LYSMD4: variants seen among roughly 807,000 people sequenced by gnomAD.
LYSMD4 encodes the protein LysM domain containing 4, also known as lysM and putative peptidoglycan-binding domain-containing protein 4.
In LYSMD4, 9 loss-of-function variants were observed where a neutral mutation model predicts 6.1. That is an observed-to-expected ratio of 1.47 (90% CI 0.88 to 2.56). The LOEUF (loss-of-function observed/expected upper bound fraction) is 2.56, where lower values mean the gene tolerates loss of function less well. Among genes scored for constraint, LYSMD4 ranks in the 30% most tolerant of loss-of-function variants. The pLI is 0.00. For synonymous variants in LYSMD4, 143 were observed against 148.5 expected (o/e 0.96, Z 0.27); for missense variants, 384 against 373.5 (o/e 1.03, Z -0.23).
downstream of LYSMD4, among the ~76,000 whole-genome samples, chr15:99,725,050 TA>T (rs1225822749): frequency 6.6e-5 from 10 of 152,160 alleles, no homozygotes; most frequent in African/African-American, 2.2e-4. Flanking sequence ...AGACCAGCCA[TA>T]ACCTGTCTCT....
intron 1 of LYSMD4, chr15:99,733,075 GA>G: frequency 2.9e-6 from 1 of 347,302 alleles, no homozygotes; most frequent in African/African-American, 2.1e-5. Context: ...GGAAAATGGG[GA>G]GCGGCCCGGC....
upstream of LYSMD4, among the ~76,000 whole-genome samples, chr15:99,721,279 C>T (rs2059235805): frequency 6.6e-6 from 1 of 152,166 alleles, no homozygotes; most frequent in Non-Finnish European, 1.5e-5. Context: ...GAACTGTGTT[C>T]TGACAATACG....
chr15:99,716,587 C>T (rs1049644801), exon 1 of LYSMD4: 10 of 456,742 alleles, frequency 2.2e-5, no homozygotes, highest in East Asian at 1.4e-4. Context: ...ATTCCTTTCA[C>T]GAAGACCTTT....
downstream of LYSMD4, among the ~76,000 whole-genome samples, chr15:99,723,483 C>T (rs934471606): frequency 6.6e-6 from 1 of 152,198 alleles, no homozygotes; most frequent in African/African-American, 2.4e-5. Context: ...GCTTTGTGGG[C>T]CTTGCTGACT....
Position 99,731,874 on chromosome 15 carries a change from C to G in LYSMD4, c.126G>C (p.Glu42Asp). Reference sequence around the variant, plus strand: ...GGGGCCGCAAAACCACACGGTGAGACTCTTCTTCAGAAGAGTCCCCCGAGT... The same window carrying G: ...GGGGCCGCAAAACCACACGGTGAGAGTCTTCTTCAGAAGAGTCCCCCGAGT... ...SGDSGDSSEEESHRVVLRPRG... is the reference protein window; with the variant it reads ...SGDSGDSSEEDSHRVVLRPRG... The change falls in exon 2 of 3, where the codon GAG (glutamate) becomes GAC (aspartate). Residue 42 changes from glutamate (E) to aspartate (D), a missense_variant. Transcript: ENST00000684762. 7 of 1,613,620 alleles carry G rather than the reference C, an allele frequency of 4.3e-6. No individual in the cohort carries two copies. The highest frequency in any genetic ancestry group is 5.1e-6 in the Non-Finnish European group (6 of 1,180,040).
At position 99,733,230 on chromosome 15, in the gene LYSMD4, G is replaced by A. The variant is rs2059466820; in HGVS notation, c.-9+115C>T. On this transcript the variant is annotated intron_variant, in intron 1 of 2. Transcript: ENST00000684762. ...CTCCAGCTGGAGCGTCCCCCTAGGA[G>A]CCCGGGGAGGGGCGGCCCGCCCGCG... The A allele has an allele frequency of 8.0e-6, 3 of 374,718 alleles. No individual in the cohort carries two copies. The Admixed American group carries it at 1.4e-4, about 17-fold the overall frequency. 23.2% of individuals were successfully genotyped at this position (374,718 alleles called of 1,614,324 possible). A position where few individuals can be genotyped will look rare whatever the true frequency, so the allele number is the denominator to read the frequency against.
upstream of LYSMD4, among the ~76,000 whole-genome samples, chr15:99,721,390 T>C (rs2059236907): frequency 1.3e-5 from 2 of 152,198 alleles, no homozygotes; most frequent in African/African-American, 4.8e-5. Context: ...GGATGACTGG[T>C]ACATGGGCTA....
Position 99,731,848 on chromosome 15 carries a change from C to CG in LYSMD4, c.151dup (p.Arg51ProfsTer20). 1 of 1,613,314 alleles carries CG rather than the reference C, an allele frequency of 6.2e-7. No individual in the cohort carries two copies. The highest frequency in any genetic ancestry group is 8.5e-7 in the Non-Finnish European group (1 of 1,180,036). ...ACCGCTCTTGTGGCGCTCCTTGCCC[C>CG]GGGGCCGCAAAACCACACGGTGAGA... On this transcript the variant is annotated frameshift_variant, in exon 2 of 3. Transcript: ENST00000684762. LOFTEE classifies it high-confidence loss of function.
chr15:99,726,148 T>TTG (rs2059278840), downstream of LYSMD4, among the ~76,000 whole-genome samples: 2 of 126,256 alleles, frequency 1.6e-5, no homozygotes, highest in South Asian at 3.3e-4. Context: ...CTCAAGTGGT[T>TTG]TTTTTTTTTT....
At chr15:99,723,180 G>A (rs1282988176), downstream of LYSMD4, among the ~76,000 whole-genome samples, 1 of 152,092 alleles carries the variant, frequency 6.6e-6, no homozygotes, top group Non-Finnish European at 1.5e-5. Flanking sequence ...TATATAATTG[G>A]AGGGAAATAA....
Position 99,731,816 on chromosome 15 carries a change from G to A in LYSMD4, c.184C>T (p.Gln62Ter), listed in dbSNP as rs775280589. Reference sequence around the variant, plus strand: ...TCACCTGCTCCCGCCTGGGGAGGCTGGTGGACACCGCTCTTGTGGCGCTCC... The same window carrying A: ...TCACCTGCTCCCGCCTGGGGAGGCTAGTGGACACCGCTCTTGTGGCGCTCC... ...GKERHKSGVH[Q>*]PPQAGAGDVV... is the part of the protein sequence containing the mutation. Residue 62 changes from glutamine (Q) to a stop codon, truncating the protein, a stop_gained, in exon 2 of 3, where the codon CAG (glutamine) becomes TAG (stop). Coordinates refer to ENST00000684762, the MANE Select transcript of LYSMD4 (RefSeq NM_001284417.2). LOFTEE classifies it high-confidence loss of function. 13 of 1,612,570 alleles carry A rather than the reference G, an allele frequency of 8.1e-6. No individual in the cohort carries two copies. In the African/African-American group the frequency reaches 1.6e-4, roughly 20 times the overall value.
At position 99,733,402 on chromosome 15, in the gene LYSMD4, G is replaced by GACCCGCC. The variant is rs1180472847; in HGVS notation, c.-67_-66insGGCGGGT. 3.9e-4 allele frequency: 155 copies of GACCCGCC among 395,306 alleles called. 1 individual carries two copies. Among genetic ancestry groups the GACCCGCC allele is most frequent in the Middle Eastern group, 1.9e-3 (3 of 1,568 alleles). The allele number at this position is 395,306 out of a possible 1,614,324, so 24.5% of individuals were successfully genotyped here. ...CGGCGACTCGCGACCCGCGACCCGCGACCCGCAGCTGCCACCGCGCCTGCG... is the reference window on the plus strand; with the variant it reads ...CGGCGACTCGCGACCCGCGACCCGCGACCCGCCACCCGCAGCTGCCACCGCGCCTGCG... On this transcript the variant is annotated 5_prime_UTR_variant, in exon 1 of 3. Coordinates refer to ENST00000684762, the MANE Select transcript of LYSMD4 (RefSeq NM_001284417.2).
downstream of LYSMD4, among the ~76,000 whole-genome samples, chr15:99,722,551 T>C (rs200342410): frequency 2.0e-5 from 3 of 152,082 alleles, no homozygotes; most frequent in African/African-American, 7.2e-5. Context: ...CAATCTATAA[T>C]GGGAGGCAGA....
At chr15:99,732,239 C>G (rs950315761) in intron 1 of LYSMD4, among the ~76,000 whole-genome samples, 2 of 152,160 alleles carry the variant, frequency 1.3e-5, no homozygotes, top group African/African-American at 4.8e-5. Flanking sequence ...GTGCAGAAAA[C>G]GAACCCCGCC....
At chr15:99,727,100 T>C (rs1866570674), downstream of LYSMD4, among the ~76,000 whole-genome samples, 1 of 152,122 alleles carries the variant, frequency 6.6e-6, no homozygotes, top group African/African-American at 2.4e-5. Context: ...TTGAGGCAGG[T>C]GCAGTGGCTC....
At chr15:99,724,485 G>A (rs902827345), downstream of LYSMD4, among the ~76,000 whole-genome samples, 6 of 152,220 alleles carry the variant, frequency 3.9e-5, no homozygotes, top group East Asian at 1.9e-4. Flanking sequence ...GGCTGGTCTC[G>A]AACTCCTGGG....
chr15:99,724,406 G>A (rs939340521), downstream of LYSMD4, among the ~76,000 whole-genome samples: 6 of 152,160 alleles, frequency 3.9e-5, no homozygotes, highest in East Asian at 1.9e-4. Context: ...GACTACAGGC[G>A]CATGCTACTG....
At position 99,731,790 on chromosome 15, in the gene LYSMD4, G is replaced by C. The variant is rs757147236; in HGVS notation, c.210C>G (p.Asp70Glu). 6 of 1,611,934 alleles carry C rather than the reference G, an allele frequency of 3.7e-6. No individual in the cohort carries two copies. Among genetic ancestry groups the C allele is most frequent in the Admixed American group, 1.7e-5 (1 of 60,022 alleles). ...CCAGCTCCCGCTGCAGCAGCACCAC[G>C]TCACCTGCTCCCGCCTGGGGAGGCT... ...VHQPPQAGAG[D>E]VVLLQRELAQ... Residue 70 changes from aspartate to glutamate, a missense_variant, in exon 2 of 3, where the codon GAC (aspartate) becomes GAG (glutamate). Physicochemically the swap from Asp to Glu is conservative, Grantham distance 45 (BLOSUM62 2). Coordinates refer to ENST00000684762, the MANE Select transcript of LYSMD4 (RefSeq NM_001284417.2).
Position 99,728,785 on chromosome 15 carries a change from G to C in LYSMD4, c.*338C>G. The stretch of plus-strand genomic sequence containing the variant: ...CTGGCTCTCACGCTGCAGGTCCCTC[G>C]ACAGAGGCCATAAATCTTTCCCTCC... On this transcript the variant is annotated 3_prime_UTR_variant, in exon 3 of 3. Transcript: ENST00000684762. The C allele has an allele frequency of 3.3e-6, 1 of 306,466 alleles. No individual in the cohort carries two copies. Among genetic ancestry groups the C allele is most frequent in the Non-Finnish European group, 6.3e-6 (1 of 159,056 alleles). The allele number at this position is 306,466 out of a possible 1,614,324, so 19.0% of individuals were successfully genotyped here. A position where few individuals can be genotyped will look rare whatever the true frequency, so the allele number is the denominator to read the frequency against.
Sources: gnomAD v4.1 joint callset for allele counts (sites outside exome capture counted in the v4.1 genomes callset) on GRCh38, gnomAD v4.1.1 for gene constraint, MANE v1.5 for transcripts, NCBI Gene and HGNC (gene_info 2026-07-23, HGNC 2026-07-21) for gene names.